The following TMSB15B variants were observed in gnomAD, a reference collection of about 807,000 sequenced individuals.
TMSB15B encodes thymosin beta-15B.
chrX:103,940,640 C>T (rs1167252961), intron 1 of TMSB15B, among the ~76,000 whole-genome samples: 1 of 111,365 alleles, frequency 9.0e-6, no homozygotes, highest in Admixed American at 9.6e-5. Flanking sequence ...GGCCCCCTGG[C>T]TTCAGTCCCC....
chrX:103,950,954 G>A (rs1390471854), intron 1 of TMSB15B, among the ~76,000 whole-genome samples: 1 of 111,068 alleles, frequency 9.0e-6, no homozygotes, highest in Non-Finnish European at 1.9e-5. Flanking sequence ...ATATTAATTT[G>A]CTAAGATTGC....
At chrX:103,932,884 A>G (rs186619615) in intron 1 of TMSB15B, 1 of 112,081 alleles carries the variant, frequency 8.9e-6, no homozygotes, top group Non-Finnish European at 1.9e-5. Context: ...CATAAAATAT[A>G]CAATTTAACA....
At chrX:103,939,215 G>C (rs1394068641) in intron 1 of TMSB15B, among the ~76,000 whole-genome samples, 1 of 111,027 alleles carries the variant, frequency 9.0e-6, no homozygotes, top group Non-Finnish European at 1.9e-5. Context: ...TGCTATGTTG[G>C]GGAAGTTCTC....
chrX:103,926,465 A>T (rs1409375696), intron 1 of TMSB15B, among the ~76,000 whole-genome samples: 2 of 42,069 alleles, frequency 4.8e-5, no homozygotes, highest in African/African-American at 2.1e-4. Context: ...GACTGTAGGG[A>T]TATGGATGTA....
intron 1 of TMSB15B, among the ~76,000 whole-genome samples, chrX:103,946,413 G>T (rs1358746598): frequency 8.9e-6 from 1 of 112,187 alleles, no homozygotes; most frequent in African/African-American, 3.2e-5. Context: ...GCAAGAGTAC[G>T]CATAAATGCT....
intron 1 of TMSB15B, among the ~76,000 whole-genome samples, chrX:103,925,613 C>G (rs1163967534): frequency 1.8e-5 from 2 of 111,610 alleles, no homozygotes; most frequent in African/African-American, 6.5e-5. Context: ...GGGTAAGGCT[C>G]CAAGATGTCA....
intron 1 of TMSB15B, among the ~76,000 whole-genome samples, chrX:103,921,360 A>G (rs2074952364): frequency 8.9e-6 from 1 of 112,180 alleles, no homozygotes; most frequent in South Asian, 3.7e-4. Flanking sequence ...CTTGCCTCCC[A>G]GAAGACTCTT....
intron 1 of TMSB15B, among the ~76,000 whole-genome samples, chrX:103,950,180 G>A (rs1408013060): frequency 1.8e-5 from 2 of 111,356 alleles, no homozygotes; most frequent in African/African-American, 6.5e-5. Flanking sequence ...AAGAGAGAAT[G>A]GGAGGAGGAA....
At chrX:103,929,591 C>T (rs1455144014) in intron 1 of TMSB15B, among the ~76,000 whole-genome samples, 3 of 111,638 alleles carry the variant, frequency 2.7e-5, no homozygotes, top group Non-Finnish European at 3.8e-5. Context: ...TGCATGAACT[C>T]GTCAGGTGCC....
chrX:103,924,442 G>C (rs1378288608), intron 1 of TMSB15B, among the ~76,000 whole-genome samples: 1 of 111,637 alleles, frequency 9.0e-6, no homozygotes, highest in Non-Finnish European at 1.9e-5. Context: ...TTTCTTGGTT[G>C]CTCCCCGTCC....
At chrX:103,927,017 G>C (rs1556318948) in intron 1 of TMSB15B, among the ~76,000 whole-genome samples, 1 of 110,809 alleles carries the variant, frequency 9.0e-6, no homozygotes, top group African/African-American at 3.3e-5. Flanking sequence ...CCTCAGATCT[G>C]CTCTGAGCAT....
chrX:103,920,319 C>A (rs782171889), intron 1 of TMSB15B, among the ~76,000 whole-genome samples: 10 of 111,525 alleles, frequency 9.0e-5, no homozygotes, highest in Non-Finnish European at 1.1e-4. Context: ...AATGCAGATT[C>A]CTGGGCCTTA....
intron 1 of TMSB15B, among the ~76,000 whole-genome samples, chrX:103,942,256 A>G (rs1174828537): frequency 1.5e-4 from 17 of 111,678 alleles, no homozygotes; most frequent in African/African-American, 5.5e-4. Flanking sequence ...TGACTTTCAC[A>G]TCTATGTTTT....
At chrX:103,928,009 A>G (rs1322934100) in intron 1 of TMSB15B, 20 of 530,705 alleles carry the variant, frequency 3.8e-5, no homozygotes, top group Non-Finnish European at 5.6e-5. Flanking sequence ...AGCAATGAGA[A>G]TGCTTGCCAA....
chrX:103,940,837 G>A (rs1399113073), intron 1 of TMSB15B, among the ~76,000 whole-genome samples: 1 of 111,851 alleles, frequency 8.9e-6, no homozygotes, highest in Non-Finnish European at 1.9e-5. Flanking sequence ...GGGCCCGTGT[G>A]GTGTAGGCAC....
At chrX:103,928,597 G>A in intron 1 of TMSB15B, 1 of 1,169,857 alleles carries the variant, frequency 8.5e-7, no homozygotes, top group African/African-American at 1.8e-5. Flanking sequence ...TGGGCTTTGG[G>A]GGCGGCTGTC....
intron 1 of TMSB15B, among the ~76,000 whole-genome samples, chrX:103,952,437 T>A (rs2075041223): frequency 9.0e-6 from 1 of 111,440 alleles, no homozygotes; most frequent in South Asian, 3.8e-4. Context: ...ACTTTTAGGA[T>A]CTGTGGTACA....
chrX:103,928,960 G>T, intron 1 of TMSB15B: 1 of 1,197,287 alleles, frequency 8.4e-7, no homozygotes, highest in Non-Finnish European at 1.1e-6. Context: ...CCTCACTACG[G>T]CAATCCATGA....
chrX:103,943,173 T>C (rs1342179337), intron 1 of TMSB15B, among the ~76,000 whole-genome samples: 2 of 111,794 alleles, frequency 1.8e-5, no homozygotes, highest in African/African-American at 6.5e-5. Context: ...CATTCCAAAC[T>C]TAATATGTCA....
Sources: gnomAD v4.1 joint callset for allele counts (sites outside exome capture counted in the v4.1 genomes callset) on GRCh38, gnomAD v4.1.1 for gene constraint, MANE v1.5 for transcripts, NCBI Gene and HGNC (gene_info 2026-07-23, HGNC 2026-07-21) for gene names.